Variants in SIPA1L1 observed in about 807,000 individuals in gnomAD.
SIPA1L1 encodes signal-induced proliferation-associated 1-like protein 1.
In SIPA1L1, 26 loss-of-function variants were observed where a neutral mutation model predicts 162.7. The ratio of observed to expected loss-of-function variants is 0.16; its 90% CI spans 0.12 to 0.22. The LOEUF (loss-of-function observed/expected upper bound fraction) is 0.22. SIPA1L1 is among the 10% of genes least tolerant of loss of function. The probability of loss-of-function intolerance (pLI) is 1.00; values close to 1 mark genes in which losing one functional copy is unlikely to be tolerated. For missense variants in SIPA1L1, 1,874 were observed against 2,241.0 expected, an observed-to-expected ratio of 0.84 and a Z score of 3.31; for synonymous variants, 829 against 837.4, an observed-to-expected ratio of 0.99 and a Z score of 0.17.
chr14:71,598,041 A>T (rs1431970880), intron 5 of SIPA1L1, among the ~76,000 whole-genome samples: 1 of 152,224 alleles, frequency 6.6e-6, no homozygotes, highest in Non-Finnish European at 1.5e-5. Context: ...TCAGGAAGAA[A>T]AAGGTAGAGG....
intron 7 of SIPA1L1, among the ~76,000 whole-genome samples, chr14:71,649,092 A>G (rs2042407781): frequency 6.6e-6 from 1 of 152,182 alleles, no homozygotes; most frequent in South Asian, 2.1e-4. Flanking sequence ...CCCTTTTATT[A>G]GATAAAACCT....
At chr14:71,510,177 CT>C (rs985233367) in intron 2 of SIPA1L1, among the ~76,000 whole-genome samples, 102 of 77,476 alleles carry the variant, frequency 1.3e-3, no homozygotes, top group Middle Eastern at 0.013. Context: ...TCCCCCCCAC[CT>C]TTTTTTTTTT....
intron 7 of SIPA1L1, 65 bp from the exon 8 acceptor site, chr14:71,650,270 A>T: frequency 6.5e-7 from 1 of 1,543,028 alleles, no homozygotes; most frequent in South Asian, 1.1e-5. Flanking sequence ...AGGACCTTTT[A>T]GCATTTGACT....
chr14:71,709,195 C>G (rs1399181324), intron 16 of SIPA1L1, 27 bp from the exon 17 acceptor site: 2 of 1,571,766 alleles, frequency 1.3e-6, no homozygotes. Flanking sequence ...AAACTTTGCA[C>G]TCAAATAAAT....
At chr14:71,662,661 C>T (rs778541698) in intron 10 of SIPA1L1, among the ~76,000 whole-genome samples, 3 of 152,176 alleles carry the variant, frequency 2.0e-5, no homozygotes, top group African/African-American at 4.8e-5. Flanking sequence ...GAGCTCCCAA[C>T]ACAGAGGCTG....
At position 71,685,352 on chromosome 14, in the gene SIPA1L1, C is replaced by A; in HGVS notation, c.3105-10C>A. 6.2e-7 allele frequency: 1 copy of A among 1,613,424 alleles called. No individual in the cohort carries two copies. Among genetic ancestry groups the A allele is most frequent in the Non-Finnish European group, 8.5e-7 (1 of 1,179,478 alleles). ...CCATTGTGTTTCTCCCTGTGCCTTG[C>A]CCCTAATAGGAGTTGCTCTGAAACC... On this transcript the variant is annotated splice_polypyrimidine_tract_variant and intron_variant, in intron 12 of 23. Coordinates refer to ENST00000381232, the MANE Select transcript of SIPA1L1 (RefSeq NM_001386936.1).
At chr14:71,350,909 A>G (rs1309120556) in intron 2 of SIPA1L1, among the ~76,000 whole-genome samples, 1 of 152,172 alleles carries the variant, frequency 6.6e-6, no homozygotes, top group Non-Finnish European at 1.5e-5. Context: ...AGCTTGTTGA[A>G]TAGTAGATTT....
rs192401696 is a variant in SIPA1L1 at position 71,481,947 on chromosome 14, A to G, written c.-464-30796A>G. On this transcript the variant is annotated intron_variant, in intron 2 of 23. Transcript: ENST00000381232. Reference sequence around the variant, plus strand: ...ATAATCCTATGACATCTCTTTATAGATATATCAAAATGGTAACTGGTATTT... The same window carrying G: ...ATAATCCTATGACATCTCTTTATAGGTATATCAAAATGGTAACTGGTATTT... 5.3e-5 allele frequency among the ~76,000 whole-genome samples: 8 copies of G among 152,344 alleles called. No homozygotes were observed. The East Asian group carries it at 1.5e-3, about 29-fold the overall frequency.
intron 7 of SIPA1L1, among the ~76,000 whole-genome samples, chr14:71,633,803 G>T (rs2040839321): frequency 6.6e-6 from 1 of 152,042 alleles, no homozygotes; most frequent in Admixed American, 6.6e-5. Context: ...AGAGTAGACT[G>T]GGGGAAACAA....
rs571431707 is a variant in SIPA1L1, at chr14:71,655,614, A to G, written c.1994-2719A>G. Reference sequence around the variant, plus strand: ...AGTGTATGTATATTTTCTTTTCTCAAAATCCTTGCCAACATCTGTTATTTT... The same window carrying G: ...AGTGTATGTATATTTTCTTTTCTCAGAATCCTTGCCAACATCTGTTATTTT... On this transcript the variant is annotated intron_variant, in intron 8 of 23. Coordinates refer to ENST00000381232, the MANE Select transcript of SIPA1L1 (RefSeq NM_001386936.1). Among the ~76,000 whole-genome samples, 4 of 152,282 alleles carry G rather than the reference A, an allele frequency of 2.6e-5. No homozygotes were observed. The East Asian group carries it at 5.8e-4, about 22-fold the overall frequency.
chr14:71,711,990 A>G (rs762435213), intron 17 of SIPA1L1, among the ~76,000 whole-genome samples: 3 of 152,216 alleles, frequency 2.0e-5, no homozygotes, highest in Admixed American at 6.5e-5. Flanking sequence ...TTGGATAATC[A>G]GAGCTTTAGC....
intron 4 of SIPA1L1, among the ~76,000 whole-genome samples, chr14:71,556,450 C>A (rs1303338140): frequency 6.6e-6 from 1 of 152,190 alleles, no homozygotes; most frequent in African/African-American, 2.4e-5. Flanking sequence ...CAAGACTGCC[C>A]CTTACATCTT....
rs539293669 is a variant in SIPA1L1 at position 71,700,994 on chromosome 14, C to CAA, written c.3522-1348_3522-1347dup. The stretch of plus-strand genomic sequence containing the variant: ...TAGGGGACAGAGCAAGACTCCGTCT[C>CAA]AAAAAAAAAAAAAAAAAAAAAAAAA... On this transcript the variant is annotated intron_variant, in intron 14 of 23. Transcript: ENST00000381232. Among the ~76,000 whole-genome samples, 287 of 51,742 alleles carry CAA rather than the reference C, an allele frequency of 5.5e-3. 48 individuals are homozygous for CAA. Among genetic ancestry groups the CAA allele is most frequent in the Non-Finnish European group, 7.6e-3 (226 of 29,720 alleles). The allele number at this position is 51,742 out of a possible 152,430, so 33.9% of individuals were successfully genotyped here.
chr14:71,417,715 C>A (rs892011043), intron 2 of SIPA1L1, among the ~76,000 whole-genome samples: 1 of 151,758 alleles, frequency 6.6e-6, no homozygotes, highest in South Asian at 2.1e-4. Context: ...TGAAAAAATC[C>A]ACTTTTAAGT....
intron 7 of SIPA1L1, among the ~76,000 whole-genome samples, chr14:71,630,354 G>A (rs773519177): frequency 2.6e-5 from 4 of 152,204 alleles, no homozygotes; most frequent in African/African-American, 4.8e-5. Context: ...GGCTGGATTG[G>A]ATGACAGGAT....
At chr14:71,511,647 G>A (rs1472002925) in intron 2 of SIPA1L1, among the ~76,000 whole-genome samples, 1 of 152,106 alleles carries the variant, frequency 6.6e-6, no homozygotes, top group Non-Finnish European at 1.5e-5. Context: ...CAAGAGCTTC[G>A]AAGACCCTTG....
chr14:71,634,450 C>T (rs1407717959), intron 7 of SIPA1L1, among the ~76,000 whole-genome samples: 1 of 148,174 alleles, frequency 6.7e-6, no homozygotes, highest in Non-Finnish European at 1.5e-5. Flanking sequence ...ATTTGAATCA[C>T]AGATTTTTTT....
At chr14:71,504,392 G>A (rs1222439385) in intron 2 of SIPA1L1, among the ~76,000 whole-genome samples, 1 of 152,170 alleles carries the variant, frequency 6.6e-6, no homozygotes, top group Non-Finnish European at 1.5e-5. Flanking sequence ...AATGTTCACA[G>A]TTTCCTATTT....
At chr14:71,496,093 A>G (rs2049756302) in intron 2 of SIPA1L1, among the ~76,000 whole-genome samples, 1 of 151,264 alleles carries the variant, frequency 6.6e-6, no homozygotes, top group Non-Finnish European at 1.5e-5. Flanking sequence ...AAAAAGCTAT[A>G]AAATTGTCTT....
Sources: gnomAD v4.1 joint callset for allele counts (sites outside exome capture counted in the v4.1 genomes callset) on GRCh38, gnomAD v4.1.1 for gene constraint, MANE v1.5 for transcripts, NCBI Gene and HGNC (gene_info 2026-07-23, HGNC 2026-07-21) for gene names.